ZNF429: variants seen among roughly 807,000 people sequenced by gnomAD.
ZNF429 encodes zinc finger protein 429.
A neutral mutation model predicts 56.8 loss-of-function variants in ZNF429; 53 were observed. The ratio of observed to expected loss-of-function variants is 0.93; its 90% CI spans 0.75 to 1.17. The LOEUF (loss-of-function observed/expected upper bound fraction) is 1.17, where lower values mean the gene tolerates loss of function less well. Among genes scored for constraint, ZNF429 ranks in the 50% most tolerant of loss-of-function variants. The probability of loss-of-function intolerance (pLI) is 0.00; values close to 1 mark genes in which losing one functional copy is unlikely to be tolerated. For synonymous variants in ZNF429, 278 were observed against 264.7 expected, an observed-to-expected ratio of 1.05 and a Z score of -0.49; for missense variants, 849 against 788.4, an observed-to-expected ratio of 1.08 and a Z score of -0.92.
chr19:21,505,845 C>A (rs1431501280), intron 1 of ZNF429, 71 bp downstream of exon 1: 2 of 1,550,018 alleles, frequency 1.3e-6, no homozygotes, highest in Non-Finnish European at 1.8e-6. Flanking sequence ...GTGGCCGTGG[C>A]GGACTTAGGT....
intron 1 of ZNF429, among the ~76,000 whole-genome samples, chr19:21,515,183 C>G (rs562815462): frequency 2.8e-4 from 42 of 150,572 alleles, no homozygotes; most frequent in Non-Finnish European, 5.3e-4. Flanking sequence ...TGAAGTGATC[C>G]CCGTACCTTG....
chr19:21,507,451 A>G (rs779747356), intron 1 of ZNF429: 4 of 152,242 alleles, frequency 2.6e-5, no homozygotes, highest in African/African-American at 7.2e-5. Flanking sequence ...ATAAGAAGAA[A>G]GCAAGGAATA....
At position 21,537,590 on chromosome 19, in the gene ZNF429, G is replaced by C; in HGVS notation, c.1537G>C (p.Glu513Gln). The change falls in exon 4 of 4, where the codon GAA (glutamate) becomes CAA (glutamine). Residue 513 changes from glutamate (E) to glutamine (Q), a missense_variant. Physicochemically the swap from Glu to Gln is conservative, Grantham distance 29 (BLOSUM62 2). Coordinates refer to ENST00000358491, the MANE Select transcript of ZNF429 (RefSeq NM_001001415.4). ...HSGEKPYKCE[E>Q]CGKAFILSSR... ...TGGAGAGAAACCCTACAAATGTGAA[G>C]AATGTGGCAAAGCTTTTATCCTGTC... 4 of 1,613,352 alleles carry C rather than the reference G, an allele frequency of 2.5e-6. No homozygotes were observed. Among genetic ancestry groups the C allele is most frequent in the Non-Finnish European group, 3.4e-6 (4 of 1,179,850 alleles).
chr19:21,533,747 G>A lies in ZNF429; in HGVS notation c.227-2533G>A. ...CTCAGCTCACTGCAACCTGTTTCCC[G>A]GGTTCAAGCAATTCTTCTGCCTCAA... On this transcript the variant is annotated intron_variant, in intron 3 of 3. Coordinates refer to ENST00000358491, the MANE Select transcript of ZNF429 (RefSeq NM_001001415.4). Among the ~76,000 whole-genome samples, 11 of 151,278 alleles carry A rather than the reference G, an allele frequency of 7.3e-5. No individual in the cohort carries two copies. In the East Asian group the frequency reaches 1.7e-3, roughly 24 times the overall value.
chr19:21,509,235 G>C (rs1316876642), intron 1 of ZNF429, among the ~76,000 whole-genome samples: 2 of 152,104 alleles, frequency 1.3e-5, no homozygotes, highest in Non-Finnish European at 2.9e-5. Context: ...TCGAACTCCT[G>C]AGCTCTGGCA....
At chr19:21,528,313 C>T (rs1599470282) in intron 1 of ZNF429, among the ~76,000 whole-genome samples, 1 of 152,190 alleles carries the variant, frequency 6.6e-6, no homozygotes. Context: ...AACAGGATGG[C>T]ATTTATCACC....
At position 21,537,393 on chromosome 19, in the gene ZNF429, A is replaced by G. The variant is rs527920357; in HGVS notation, c.1340A>G (p.His447Arg). The change falls in exon 4 of 4, where the codon CAT becomes CGT. Residue 447 changes from histidine (H) to arginine (R), a missense_variant. His to Arg is a conservative substitution (Grantham distance 29). Transcript: ENST00000358491. ...ACACTTACTAGACATAAGAGAATTCATACTGAAGAGAAACCCTATAAATGT... is the reference window on the plus strand; with the variant it reads ...ACACTTACTAGACATAAGAGAATTCGTACTGAAGAGAAACCCTATAAATGT... Reference protein sequence around the residue: ...SSTLTRHKRIHTEEKPYKCNE... With the variant: ...SSTLTRHKRIRTEEKPYKCNE... 31 of 1,613,740 alleles carry G rather than the reference A, an allele frequency of 1.9e-5. No individual in the cohort carries two copies. Among genetic ancestry groups the G allele is most frequent in the Non-Finnish European group, 2.1e-5 (25 of 1,179,796 alleles).
rs145626873 is a variant in ZNF429, at chr19:21,519,965, C to T, written c.4-9693C>T. 2.6e-3 allele frequency among the ~76,000 whole-genome samples: 390 copies of T among 151,492 alleles called. 2 individuals carry two copies. The highest frequency in any genetic ancestry group is 0.012 in the South Asian group (59 of 4,794). On this transcript the variant is annotated intron_variant, in intron 1 of 3. Coordinates refer to ENST00000358491, the MANE Select transcript of ZNF429 (RefSeq NM_001001415.4). Reference sequence around the variant, plus strand: ...CAACCTCCTGGGTTCAAGCAATTCTCGTGCCTCAGCCTACTGAGTAACTGG... The same window carrying T: ...CAACCTCCTGGGTTCAAGCAATTCTTGTGCCTCAGCCTACTGAGTAACTGG...
intron 3 of ZNF429, among the ~76,000 whole-genome samples, chr19:21,532,992 G>C: frequency 6.9e-6 from 1 of 145,930 alleles, no homozygotes; most frequent in Non-Finnish European, 1.5e-5. Flanking sequence ...ACCTTGCCCG[G>C]TCCAAATTTT....
At chr19:21,533,203 A>G in intron 3 of ZNF429, among the ~76,000 whole-genome samples, 1 of 151,836 alleles carries the variant, frequency 6.6e-6, no homozygotes, top group Non-Finnish European at 1.5e-5. Flanking sequence ...TATCTCTACA[A>G]ATTAGTGATC....
chr19:21,538,294 A>G lies in ZNF429; in HGVS notation c.*216A>G, dbSNP rs2033802780. ...CTCCATCTCAAAAAAAAAAAAAAAA[A>G]AAAAAGAAAAGAAAATTCATAGGCC... On this transcript the variant is annotated 3_prime_UTR_variant, in exon 4 of 4. Transcript: ENST00000358491. Among the ~76,000 whole-genome samples, 1 of 147,154 alleles carries G rather than the reference A, an allele frequency of 6.8e-6. No homozygotes were observed. Among genetic ancestry groups the G allele is most frequent in the Admixed American group, 6.8e-5 (1 of 14,656 alleles).
intron 1 of ZNF429, among the ~76,000 whole-genome samples, chr19:21,512,110 G>A (rs1161249200): frequency 1.3e-5 from 2 of 152,040 alleles, no homozygotes; most frequent in African/African-American, 2.4e-5. Flanking sequence ...GAGGGAGAGC[G>A]GTAATTTCTT....
In ZNF429 at chr19:21,537,340, A is replaced by G; in HGVS notation, c.1287A>G (p.Glu429=). 6.2e-7 allele frequency: 1 copy of G among 1,614,078 alleles called. No individual in the cohort carries two copies. Among genetic ancestry groups the G allele is most frequent in the Non-Finnish European group, 8.5e-7 (1 of 1,179,984 alleles). The change falls in exon 4 of 4, where the codon GAA becomes GAG. Residue 429 remains glutamate (E), a synonymous_variant. Transcript: ENST00000358491. The part of the protein sequence containing the change: ...HTGEKPYNCE[E]CGKVFTYSST... ...GAGAGAAACCCTACAATTGTGAAGA[A>G]TGTGGCAAAGTTTTTACCTATTCCT...
intron 1 of ZNF429, among the ~76,000 whole-genome samples, chr19:21,508,716 C>T (rs552870707): frequency 1.6e-4 from 23 of 142,916 alleles, no homozygotes; most frequent in Middle Eastern, 3.7e-3. Context: ...TTTTTTATGG[C>T]TGGGTGATTT....
Position 21,539,861 on chromosome 19 carries a change from T to C in ZNF429, c.*1783T>C, listed in dbSNP as rs57197225. Among the ~76,000 whole-genome samples the C allele has an allele frequency of 0.029, 4,471 of 152,280 alleles. 193 individuals are homozygous for C. The highest frequency in any genetic ancestry group is 0.098 in the African/African-American group (4,059 of 41,564). The stretch of plus-strand genomic sequence containing the variant: ...ACATGTGAAAGCATGTGATCAATTA[T>C]TGCTGCATCACATATAGACTCATTA... On this transcript the variant is annotated 3_prime_UTR_variant, in exon 4 of 4. Coordinates refer to ENST00000358491, the MANE Select transcript of ZNF429 (RefSeq NM_001001415.4).
Position 21,511,670 on chromosome 19 carries a change from G to A in ZNF429, c.3+5896G>A, listed in dbSNP as rs538517935. On this transcript the variant is annotated intron_variant, in intron 1 of 3. Transcript: ENST00000358491. Reference sequence around the variant, plus strand: ...CAGAGACGCTCCTCACTTCCCAGACGGGGTGGCGGCCGGGCAGAGGCTGCA... The same window carrying A: ...CAGAGACGCTCCTCACTTCCCAGACAGGGTGGCGGCCGGGCAGAGGCTGCA... 1.1e-4 allele frequency among the ~76,000 whole-genome samples: 16 copies of A among 151,604 alleles called. No homozygotes were observed. In the South Asian group the frequency reaches 2.3e-3, roughly 22 times the overall value.
intron 3 of ZNF429, among the ~76,000 whole-genome samples, chr19:21,534,792 G>GT: frequency 0.18 from 26,065 of 143,488 alleles, 2,410 homozygotes; most frequent in African/African-American, 0.22. Context: ...TGTTTTTTGT[G>GT]TTTTTTTTTT....
intron 1 of ZNF429, among the ~76,000 whole-genome samples, chr19:21,506,644 T>A (rs1268271351): frequency 6.6e-6 from 1 of 151,896 alleles, no homozygotes; most frequent in Non-Finnish European, 1.5e-5. Context: ...TTAATTTCCA[T>A]CTTCAGCTTA....
chr19:21,539,845 A>G lies in ZNF429; in HGVS notation c.*1767A>G, dbSNP rs888289711. On this transcript the variant is annotated 3_prime_UTR_variant, in exon 4 of 4. Transcript: ENST00000358491. The stretch of plus-strand genomic sequence containing the variant: ...TTCATTGTTCCTATTCACATGTGAA[A>G]GCATGTGATCAATTATTGCTGCATC... Among the ~76,000 whole-genome samples, 2 of 152,180 alleles carry G rather than the reference A, an allele frequency of 1.3e-5. No individual in the cohort carries two copies. The highest frequency in any genetic ancestry group is 2.9e-5 in the Non-Finnish European group (2 of 68,036).
Sources: allele counts gnomAD v4.1 joint callset (sites outside exome capture counted in the v4.1 genomes callset), GRCh38; gene constraint gnomAD v4.1.1; transcripts MANE v1.5; gene names NCBI Gene and HGNC (gene_info 2026-07-23, HGNC 2026-07-21).